Variants in STAU2 observed in about 807,000 individuals in gnomAD.
STAU2 encodes double-stranded RNA-binding protein Staufen homolog 2.
STAU2 carries 20 observed loss-of-function variants against 65.9 expected under a neutral mutation model. The observed-to-expected ratio is 0.30, with a 90% confidence interval of 0.21 to 0.44. STAU2 has a LOEUF of 0.44. STAU2 is among the 20% of genes least tolerant of loss of function. The pLI is 1.00. For missense variants in STAU2, 558 were observed against 683.9 expected (o/e 0.82, Z 2.05); for synonymous variants, 232 against 233.9 (o/e 0.99, Z 0.07).
intron 3 of STAU2, among the ~76,000 whole-genome samples, chr8:73,725,863 G>A (rs1006223685): frequency 1.3e-5 from 2 of 152,160 alleles, no homozygotes; most frequent in African/African-American, 4.8e-5. Flanking sequence ...AGCCTGGGAG[G>A]TCGAGGCTGC....
rs556752512 is a variant in STAU2, at chr8:73,533,859, C to T, written c.1530+18153G>A. Reference sequence around the variant, plus strand: ...AATTTAAATTTCCTACCCCCAGCTCCGAAAAGAAGTTGAGTCAAACTACTT... The same window carrying T: ...AATTTAAATTTCCTACCCCCAGCTCTGAAAAGAAGTTGAGTCAAACTACTT... On this transcript the variant is annotated intron_variant, in intron 13 of 14. Coordinates refer to ENST00000524300, the MANE Select transcript of STAU2 (RefSeq NM_001164380.2). 4.3e-4 allele frequency among the ~76,000 whole-genome samples: 66 copies of T among 152,202 alleles called. 1 individual carries two copies. Among genetic ancestry groups the T allele is most frequent in the Middle Eastern group, 6.8e-3 (2 of 294 alleles).
rs142397422 is a variant in STAU2, at chr8:73,649,391, C to G, written c.410+23716G>C. Among the ~76,000 whole-genome samples, 561 of 152,242 alleles carry G rather than the reference C, an allele frequency of 3.7e-3. 2 individuals are homozygous for G. Among genetic ancestry groups the G allele is most frequent in the Non-Finnish European group, 6.0e-3 (407 of 68,028 alleles). The stretch of plus-strand genomic sequence containing the variant: ...TAACACTGCTCCCCATTACCCCTTT[C>G]TCAACACAGAGGTCCAGGTTGCCGA... On this transcript the variant is annotated intron_variant, in intron 6 of 14. Coordinates refer to ENST00000524300, the MANE Select transcript of STAU2 (RefSeq NM_001164380.2).
chr8:73,570,567 A>G (rs989212626), intron 12 of STAU2, among the ~76,000 whole-genome samples: 3 of 152,244 alleles, frequency 2.0e-5, no homozygotes, highest in Admixed American at 1.3e-4. Context: ...CTAGCAAGGC[A>G]GGCCAACATT....
chr8:73,571,608 C>T (rs1463710111), intron 12 of STAU2, among the ~76,000 whole-genome samples: 1 of 152,218 alleles, frequency 6.6e-6, no homozygotes, highest in Non-Finnish European at 1.5e-5. Flanking sequence ...CAAAACCACA[C>T]AACTACATGG....
intron 6 of STAU2, among the ~76,000 whole-genome samples, chr8:73,645,719 C>T (rs1179239157): frequency 6.6e-6 from 1 of 152,146 alleles, no homozygotes; most frequent in South Asian, 2.1e-4. Context: ...AGCATTGAGG[C>T]TTCTGCTTCT....
At chr8:73,486,553 T>C (rs1585857738) in intron 13 of STAU2, among the ~76,000 whole-genome samples, 1 of 150,994 alleles carries the variant, frequency 6.6e-6, no homozygotes, top group Non-Finnish European at 1.5e-5. Flanking sequence ...ACAGCTACTC[T>C]ATCAAACATG....
intron 10 of STAU2, among the ~76,000 whole-genome samples, chr8:73,596,142 G>A (rs2129637087): frequency 6.6e-6 from 1 of 151,214 alleles, no homozygotes; most frequent in Admixed American, 6.6e-5. Context: ...TTCCAAGTCA[G>A]ATTGGGATAT....
intron 11 of STAU2, 117 bp from the exon 12 acceptor site, chr8:73,582,947 ATCT>A: frequency 1.2e-6 from 1 of 827,286 alleles, no homozygotes; most frequent in East Asian, 2.5e-5. Context: ...TCTGCATATT[ATCT>A]CTATCTTTGA....
At chr8:73,687,266 A>AT (rs1175258217) in intron 5 of STAU2, among the ~76,000 whole-genome samples, 11 of 37,756 alleles carry the variant, frequency 2.9e-4, no homozygotes, top group Admixed American at 1.1e-3. Flanking sequence ...TTATATTTCT[A>AT]TTAATTTACA....
chr8:73,651,140 G>A (rs1815837955), intron 6 of STAU2: 10 of 1,290,906 alleles, frequency 7.7e-6, no homozygotes, highest in South Asian at 5.1e-5. Context: ...GTCTCCCTGG[G>A]GAGCCTCCCT....
intron 13 of STAU2, among the ~76,000 whole-genome samples, chr8:73,447,943 G>A (rs551392549): frequency 5.3e-5 from 8 of 152,212 alleles, no homozygotes; most frequent in Admixed American, 3.3e-4. Flanking sequence ...ACATTCCCAT[G>A]AGTGCACACA....
At chr8:73,647,891 A>T (rs1159318590) in intron 6 of STAU2, among the ~76,000 whole-genome samples, 1 of 152,196 alleles carries the variant, frequency 6.6e-6, no homozygotes, top group Non-Finnish European at 1.5e-5. Flanking sequence ...CGAGTTCTGC[A>T]TCTTGTTTGC....
chr8:73,734,501 AAAAAACC>A (rs1806291269), intron 3 of STAU2, among the ~76,000 whole-genome samples: 2 of 152,310 alleles, frequency 1.3e-5, no homozygotes, highest in African/African-American at 2.4e-5. Context: ...TGTTATGAAT[AAAAAACC>A]ATGTAGGCCG....
intron 3 of STAU2, among the ~76,000 whole-genome samples, chr8:73,723,028 C>T (rs1224858933): frequency 6.6e-6 from 1 of 152,098 alleles, no homozygotes; most frequent in African/African-American, 2.4e-5. Context: ...AGAGCGTATC[C>T]TAGCCGCTCA....
At chr8:73,705,194 T>C (rs1820425578) in intron 4 of STAU2, among the ~76,000 whole-genome samples, 1 of 152,226 alleles carries the variant, frequency 6.6e-6, no homozygotes, top group East Asian at 1.9e-4. Flanking sequence ...CACTCCATTA[T>C]ACCACTTTAT....
At chr8:73,699,965 G>A (rs1819976736) in intron 4 of STAU2, among the ~76,000 whole-genome samples, 1 of 147,766 alleles carries the variant, frequency 6.8e-6, no homozygotes, top group Non-Finnish European at 1.5e-5. Flanking sequence ...ACATTTAAAA[G>A]ATCATTCATC....
At chr8:73,628,178 A>G (rs1813830108) in intron 6 of STAU2, among the ~76,000 whole-genome samples, 1 of 151,952 alleles carries the variant, frequency 6.6e-6, no homozygotes, top group African/African-American at 2.4e-5. Context: ...GGCTCAAGCA[A>G]TCCTCCCATC....
intron 4 of STAU2, among the ~76,000 whole-genome samples, chr8:73,702,179 T>C (rs186571274): frequency 1.1e-4 from 16 of 152,190 alleles, no homozygotes; most frequent in East Asian, 5.8e-4. Context: ...TGACAGCACA[T>C]AGGGGGACTA....
chr8:73,674,631 C>T (rs2130423662), intron 5 of STAU2, among the ~76,000 whole-genome samples: 1 of 151,136 alleles, frequency 6.6e-6, no homozygotes, highest in African/African-American at 2.4e-5. Flanking sequence ...AAATCATAAA[C>T]TATTTTTAGT....
Sources: allele counts gnomAD v4.1 joint callset (sites outside exome capture counted in the v4.1 genomes callset), GRCh38; gene constraint gnomAD v4.1.1; transcripts MANE v1.5; gene names NCBI Gene and HGNC (gene_info 2026-07-23, HGNC 2026-07-21).